Variants in CNTN5 observed in about 807,000 individuals in gnomAD.
The protein encoded by CNTN5 is contactin-5.
CNTN5 carries 77 observed loss-of-function variants against 129.1 expected under a neutral mutation model. That is an observed-to-expected ratio of 0.60 (90% CI 0.50 to 0.72). The LOEUF (loss-of-function observed/expected upper bound fraction) is 0.72. CNTN5 is among the 30% of genes least tolerant of loss of function. CNTN5 has a pLI of 0.00. For synonymous variants in CNTN5, 509 were observed against 465.6 expected, an observed-to-expected ratio of 1.09 and a Z score of -1.20; for missense variants, 1,478 against 1,328.8, an observed-to-expected ratio of 1.11 and a Z score of -1.75.
intron 2 of CNTN5, among the ~76,000 whole-genome samples, chr11:99,507,078 T>C (rs2135399461): frequency 6.6e-6 from 1 of 152,260 alleles, no homozygotes; most frequent in East Asian, 1.9e-4. Context: ...CCCTCATATA[T>C]GCATACATAA....
intron 3 of CNTN5, among the ~76,000 whole-genome samples, chr11:99,800,980 AGTTTTGAAGGTTTT>A (rs1217808358): frequency 6.6e-6 from 1 of 152,122 alleles, no homozygotes; most frequent in Non-Finnish European, 1.5e-5. Context: ...GTTAACTGAT[AGTTTTGAAGGTTTT>A]ATTGTGTGGT....
chr11:99,709,744 A>G (rs1375221508), intron 3 of CNTN5, among the ~76,000 whole-genome samples: 1 of 151,884 alleles, frequency 6.6e-6, no homozygotes, highest in Non-Finnish European at 1.5e-5. Flanking sequence ...ATTAAGGTAT[A>G]TAATAAGTTA....
intron 10 of CNTN5, among the ~76,000 whole-genome samples, chr11:100,068,565 A>C (rs1943782836): frequency 6.6e-6 from 1 of 152,160 alleles, no homozygotes; most frequent in South Asian, 2.1e-4. Context: ...GTTTACAGAA[A>C]AGCCAGATGT....
chr11:100,086,092 CAAAT>C (rs1355728007), intron 13 of CNTN5, among the ~76,000 whole-genome samples: 2 of 151,790 alleles, frequency 1.3e-5, no homozygotes, highest in African/African-American at 4.8e-5. Context: ...TAGCTGAAGA[CAAAT>C]AAAGAAGAAC....
chr11:100,295,500 GT>G (rs773425260), intron 18 of CNTN5, among the ~76,000 whole-genome samples: 10 of 150,860 alleles, frequency 6.6e-5, no homozygotes, highest in African/African-American at 2.2e-4. Context: ...TTGGTAAATT[GT>G]TTTTTTAAAA....
intron 1 of CNTN5, among the ~76,000 whole-genome samples, chr11:99,132,294 A>T (rs927270556): frequency 6.6e-6 from 1 of 152,154 alleles, no homozygotes; most frequent in African/African-American, 2.4e-5. Flanking sequence ...CAGATCCAAT[A>T]TCATAATGAA....
chr11:100,085,161 G>A (rs534977040), intron 13 of CNTN5, among the ~76,000 whole-genome samples: 13 of 152,086 alleles, frequency 8.5e-5, no homozygotes, highest in African/African-American at 2.4e-4. Context: ...TGGGTGTGGC[G>A]CTAACTTCCG....
At position 99,463,613 on chromosome 11, in the gene CNTN5, A is replaced by C. The variant is rs145692526; in HGVS notation, c.-70-92532A>C. 1.9e-3 allele frequency among the ~76,000 whole-genome samples: 283 copies of C among 152,256 alleles called. 1 individual carries two copies. Among genetic ancestry groups the C allele is most frequent in the African/African-American group, 6.3e-3 (262 of 41,554 alleles). On this transcript the variant is annotated intron_variant, in intron 2 of 24. Coordinates refer to ENST00000524871, the MANE Select transcript of CNTN5 (RefSeq NM_014361.4). ...AGTACTGTAGCTATGTAATGAGCAT[A>C]GAGAATCTGAGACAGAATCAGTCAT...
chr11:99,646,696 T>C (rs2135863912), intron 3 of CNTN5, among the ~76,000 whole-genome samples: 1 of 152,028 alleles, frequency 6.6e-6, no homozygotes, highest in Middle Eastern at 3.4e-3. Context: ...ATTAAGTATA[T>C]TGCCCATTAG....
intron 3 of CNTN5, among the ~76,000 whole-genome samples, chr11:99,778,296 A>C (rs1014490419): frequency 6.6e-6 from 1 of 151,808 alleles, no homozygotes; most frequent in Non-Finnish European, 1.5e-5. Flanking sequence ...AAGTGTTGTC[A>C]TCTTGATCAA....
chr11:99,900,740 G>T (rs1949335338), intron 6 of CNTN5, among the ~76,000 whole-genome samples: 1 of 151,840 alleles, frequency 6.6e-6, no homozygotes, highest in African/African-American at 2.4e-5. Context: ...TTTTAAGTGG[G>T]GTATTTAGGT....
At chr11:99,869,571 G>C (rs1047170733) in intron 6 of CNTN5, among the ~76,000 whole-genome samples, 3 of 152,032 alleles carry the variant, frequency 2.0e-5, no homozygotes, top group Admixed American at 2.0e-4. Flanking sequence ...GGCAATCATA[G>C]TCACTTCTAC....
At chr11:99,971,380 T>C (rs1382462275) in intron 8 of CNTN5, among the ~76,000 whole-genome samples, 1 of 151,818 alleles carries the variant, frequency 6.6e-6, no homozygotes, top group Non-Finnish European at 1.5e-5. Context: ...CCATCTCTAC[T>C]AAAAATACAA....
chr11:100,041,118 C>T (rs755555665), intron 9 of CNTN5, among the ~76,000 whole-genome samples: 1 of 152,104 alleles, frequency 6.6e-6, no homozygotes, highest in Non-Finnish European at 1.5e-5. Flanking sequence ...CATCTTGGCT[C>T]CTCCCTTTTC....
intron 2 of CNTN5, among the ~76,000 whole-genome samples, chr11:99,391,621 A>G (rs186709591): frequency 3.4e-4 from 51 of 152,192 alleles, no homozygotes; most frequent in African/African-American, 1.2e-3. Context: ...AAGGAAAATT[A>G]TTATCCACAA....
At chr11:99,485,409 G>A (rs1945772827) in intron 2 of CNTN5, among the ~76,000 whole-genome samples, 2 of 152,090 alleles carry the variant, frequency 1.3e-5, no homozygotes, top group South Asian at 4.1e-4. Flanking sequence ...TACTAAAAGT[G>A]AACTGTAATG....
chr11:100,042,776 A>G (rs562274043), intron 9 of CNTN5, among the ~76,000 whole-genome samples: 16 of 152,334 alleles, frequency 1.1e-4, no homozygotes, highest in African/African-American at 3.6e-4. Flanking sequence ...GTGTGGCTTC[A>G]CATAGTCTTC....
At chr11:99,931,326 T>G (rs560400087) in intron 7 of CNTN5, among the ~76,000 whole-genome samples, 1 of 152,180 alleles carries the variant, frequency 6.6e-6, no homozygotes, top group African/African-American at 2.4e-5. Flanking sequence ...AACTTACACA[T>G]GGAAAACTAA....
intron 8 of CNTN5, among the ~76,000 whole-genome samples, chr11:99,996,063 C>A (rs1214430080): frequency 6.6e-6 from 1 of 152,132 alleles, no homozygotes; most frequent in Non-Finnish European, 1.5e-5. Context: ...TCTACTTTAA[C>A]CGTGTCCTTT....
Sources: allele counts gnomAD v4.1 joint callset (sites outside exome capture counted in the v4.1 genomes callset), GRCh38; gene constraint gnomAD v4.1.1; transcripts MANE v1.5; gene names NCBI Gene and HGNC (gene_info 2026-07-23, HGNC 2026-07-21).